Variants in PDE8B observed in about 807,000 individuals in gnomAD.
PDE8B encodes phosphodiesterase 8B, also known as high affinity cAMP-specific and IBMX-insensitive 3',5'-cyclic phosphodiesterase 8B.
A neutral mutation model predicts 101.3 loss-of-function variants in PDE8B; 26 were observed. That is an observed-to-expected ratio of 0.26 (90% CI 0.19 to 0.36). PDE8B has a LOEUF of 0.36. PDE8B is among the 10% of genes least tolerant of loss of function. PDE8B has a pLI of 1.00. For synonymous variants in PDE8B, 424 were observed against 429.3 expected (o/e 0.99, Z 0.15); for missense variants, 810 against 1,163.1 (o/e 0.70, Z 4.42).
At position 77,399,114 on chromosome 5, in the gene PDE8B, TG is replaced by T. The variant is rs1791696630; in HGVS notation, c.1168-1133del. Among the ~76,000 whole-genome samples the T allele has an allele frequency of 5.9e-5, 9 of 152,364 alleles. No homozygotes were observed. In the South Asian group the frequency reaches 1.9e-3, roughly 32 times the overall value. The stretch of plus-strand genomic sequence containing the variant: ...GCACTTACATACCAGAGGAAAGGAA[TG>T]TGTAGGACACTTGCAGAGAAAGGCA... On this transcript the variant is annotated intron_variant, in intron 10 of 21. Coordinates refer to ENST00000264917, the MANE Select transcript of PDE8B (RefSeq NM_003719.5).
At chr5:77,110,378 C>T in the PDE8B span, among the ~76,000 whole-genome samples, 1 of 152,064 alleles carries the variant, frequency 6.6e-6, no homozygotes, top group Non-Finnish European at 1.5e-5. Flanking sequence ...TATAAGGTGA[C>T]ATTCATCACA....
intron 20 of PDE8B, among the ~76,000 whole-genome samples, chr5:77,423,632 G>GTTTTGTTTTTTTTTTTT (rs1797209696): frequency 1.4e-5 from 1 of 74,042 alleles, no homozygotes; most frequent in African/African-American, 5.2e-5. Context: ...GTTTTGTTTA[G>GTTTTGTTTTTTTTTTTT]TTTTTTTTTT....
At chr5:77,119,154 CA>C in the PDE8B span, 1 of 151,994 alleles carries the variant, frequency 6.6e-6, no homozygotes, top group African/African-American at 2.4e-5. Flanking sequence ...AGAATGGCTA[CA>C]TTAAAAAGAC....
intron 10 of PDE8B, among the ~76,000 whole-genome samples, chr5:77,380,880 T>G (rs1787319527): frequency 6.6e-6 from 1 of 152,164 alleles, no homozygotes; most frequent in South Asian, 2.1e-4. Context: ...AGGGTTCCCT[T>G]GGAAATCGTG....
chr5:77,156,740 A>C, the PDE8B span, among the ~76,000 whole-genome samples: 2 of 151,856 alleles, frequency 1.3e-5, no homozygotes, highest in Non-Finnish European at 2.9e-5. Context: ...GAAAGGAAGG[A>C]GCTCCACCCC....
At chr5:77,284,649 C>G (rs1380130630) in intron 1 of PDE8B, among the ~76,000 whole-genome samples, 2 of 152,160 alleles carry the variant, frequency 1.3e-5, no homozygotes, top group Non-Finnish European at 2.9e-5. Context: ...AATCATAGCT[C>G]CCTCCCTTTC....
intron 1 of PDE8B, among the ~76,000 whole-genome samples, chr5:77,260,008 A>C (rs115358635): frequency 0.015 from 2,241 of 152,218 alleles, 46 homozygotes; most frequent in Middle Eastern, 0.088. Flanking sequence ...CTAAAAATAC[A>C]AAAAGATTAG....
rs1193011857 is a variant in PDE8B, at chr5:77,321,366, G to T, written c.400-4173G>T. On this transcript the variant is annotated intron_variant, in intron 2 of 21. Transcript: ENST00000264917. ...GGGTTTCTCCATGTTGGTCAGGCTG[G>T]TCTCAAACTCCCGACCTCAGGTGAT... Among the ~76,000 whole-genome samples, 4 of 151,914 alleles carry T rather than the reference G, an allele frequency of 2.6e-5. No homozygotes were observed. The East Asian group carries it at 7.7e-4, about 29-fold the overall frequency.
At chr5:77,181,154 T>G in the PDE8B span, among the ~76,000 whole-genome samples, 964 of 138,750 alleles carry the variant, frequency 6.9e-3, 8 homozygotes, top group African/African-American at 0.023. Context: ...GCTGGGTGAA[T>G]AGACGGAGCG....
rs150169355 is a variant in PDE8B, at chr5:77,259,868, A to C, written c.339+48604A>C. On this transcript the variant is annotated intron_variant, in intron 1 of 21. Transcript: ENST00000264917. ...CTGTGGAAAAAAGTTTGACTATAGA[A>C]ATAAAGCTATCAGCCGGGCGTGTTG... Among the ~76,000 whole-genome samples, 384 of 152,326 alleles carry C rather than the reference A, an allele frequency of 2.5e-3. 2 individuals are homozygous for C. The highest frequency in any genetic ancestry group is 8.2e-3 in the African/African-American group (342 of 41,588).
chr5:77,210,973 C>T lies in PDE8B; in HGVS notation c.48C>T (p.Tyr16=). The change falls in exon 1 of 22, where the codon TAC becomes TAT. Residue 16 remains tyrosine (Y), a synonymous_variant. Transcript: ENST00000264917. This position sits in a 1 kb window ranked among gnomAD's most constrained non-coding sequence, Gnocchi z 4.9. ...SIHVSQSGVI[Y]CRDSDESSSP... ...ATGTCTCGCAGAGCGGCGTGATCTA[C>T]TGCCGGGACTCGGACGAGTCCAGCT... The T allele has an allele frequency of 6.5e-7, 1 of 1,537,782 alleles. No individual in the cohort carries two copies. The highest frequency in any genetic ancestry group is 8.7e-7 in the Non-Finnish European group (1 of 1,152,110).
chr5:77,365,921 C>A (rs1005268646), intron 10 of PDE8B, among the ~76,000 whole-genome samples: 8 of 152,206 alleles, frequency 5.3e-5, no homozygotes, highest in Non-Finnish European at 7.3e-5. Flanking sequence ...GCTTCAGGCA[C>A]CGAAGCTCCT....
intron 2 of PDE8B, among the ~76,000 whole-genome samples, chr5:77,321,296 C>A (rs1009502677): frequency 3.1e-4 from 47 of 152,004 alleles, no homozygotes; most frequent in African/African-American, 1.1e-3. Context: ...GGATTACAGG[C>A]ATGCACCACC....
the PDE8B span, among the ~76,000 whole-genome samples, chr5:77,157,389 C>G: frequency 6.6e-6 from 1 of 152,144 alleles, no homozygotes; most frequent in Non-Finnish European, 1.5e-5. Context: ...GACATCCCAG[C>G]AGGTGAGAGC....
intron 7 of PDE8B, among the ~76,000 whole-genome samples, chr5:77,346,615 C>T (rs922539): frequency 0.6 from 90,977 of 152,010 alleles, 27,420 homozygotes; most frequent in African/African-American, 0.66. Context: ...CCAGCCTTTG[C>T]GATGAACAGG....
chr5:77,202,958 T>C, the PDE8B span, among the ~76,000 whole-genome samples: 1 of 152,266 alleles, frequency 6.6e-6, no homozygotes, highest in Non-Finnish European at 1.5e-5. Flanking sequence ...TGTGTAGCAG[T>C]TGGTGCCCCT....
chr5:77,129,555 G>A, the PDE8B span, among the ~76,000 whole-genome samples: 3 of 152,162 alleles, frequency 2.0e-5, no homozygotes, highest in Admixed American at 6.5e-5. Context: ...TTAACCAGAG[G>A]GTATCAGGGC....
intron 1 of PDE8B, among the ~76,000 whole-genome samples, chr5:77,282,988 T>C (rs1216148246): frequency 1.3e-5 from 2 of 152,074 alleles, no homozygotes; most frequent in Non-Finnish European, 2.9e-5. Flanking sequence ...CTGTCCAACC[T>C]GGGCCTGCAG....
At chr5:77,167,727 G>A in the PDE8B span, among the ~76,000 whole-genome samples, 2 of 152,186 alleles carry the variant, frequency 1.3e-5, no homozygotes, top group Non-Finnish European at 2.9e-5. Context: ...TGGAAAAATA[G>A]ACTTGGAGAA....
Sources: gnomAD v4.1 joint callset for allele counts (sites outside exome capture counted in the v4.1 genomes callset) on GRCh38, gnomAD v4.1.1 for gene constraint, Gnocchi (gnomAD v3.1) non-coding constraint, MANE v1.5 for transcripts, NCBI Gene and HGNC (gene_info 2026-07-23, HGNC 2026-07-21) for gene names.